Variants in MYBBP1A observed in about 807,000 individuals in gnomAD.
The protein encoded by MYBBP1A is myb-binding protein 1A.
In MYBBP1A, 147 loss-of-function variants were observed where a neutral mutation model predicts 136.3. The ratio of observed to expected loss-of-function variants is 1.08; its 90% CI spans 0.94 to 1.24. MYBBP1A has a LOEUF of 1.24. Ranked by LOEUF, MYBBP1A falls within the 50% of genes most tolerant of loss-of-function variation. The pLI, the probability that MYBBP1A is intolerant of heterozygous loss-of-function variation, is 0.00. For synonymous variants in MYBBP1A, 947 were observed against 735.8 expected (o/e 1.29, Z -4.65); for missense variants, 2,060 against 1,727.4 (o/e 1.19, Z -3.41).
At position 4,544,769 on chromosome 17, in the gene MYBBP1A, C is replaced by A. The variant is rs755185007; in HGVS notation, c.2463G>T (p.Arg821=). The part of the protein sequence containing the change: ...KNKLQKEKAL[R]RDFQIRVLDL... ...GGCTCACCCGGATCTGGAAGTCGCG[C>A]CGCAGAGCCTTCTCCTTCTGCAGCT... Residue 821 remains arginine (R), a synonymous_variant, in exon 18 of 26, where the codon CGG becomes CGT. Coordinates refer to ENST00000254718, the MANE Select transcript of MYBBP1A (RefSeq NM_014520.4). 53 of 1,579,008 alleles carry A rather than the reference C, an allele frequency of 3.4e-5. No homozygotes were observed. In the South Asian group the frequency reaches 5.3e-4, roughly 16 times the overall value.
rs1409373704 is a variant in MYBBP1A at position 4,539,689 on chromosome 17, G to C, written c.3713C>G (p.Pro1238Arg). The C allele has an allele frequency of 6.2e-7, 1 of 1,608,164 alleles. No homozygotes were observed. Among genetic ancestry groups the C allele is most frequent in the African/African-American group, 1.3e-5 (1 of 74,490 alleles). The change falls in exon 26 of 26, where the codon CCC (proline) becomes CGC (arginine). Residue 1238 changes from proline to arginine, a missense_variant. Physicochemically the swap from Pro to Arg is moderately radical, Grantham distance 103 (BLOSUM62 -2). Coordinates refer to ENST00000254718, the MANE Select transcript of MYBBP1A (RefSeq NM_014520.4). ...GGCAGGGGTGCTGGGGCTCCGGGTG[G>C]GGGCGCCAGGGGCTGGACTCTTGGT... is the stretch of plus-strand genomic sequence containing the variant. The part of the protein sequence containing the change: ...PTTKSPAPGA[P>R]TRSPSTPAKS...
rs752284293 is a variant in MYBBP1A at position 4,543,122 on chromosome 17, C to T, written c.2683G>A (p.Glu895Lys). 1.9e-6 allele frequency: 3 copies of T among 1,611,586 alleles called. No individual in the cohort carries two copies. The highest frequency in any genetic ancestry group is 1.1e-5 in the South Asian group (1 of 90,982). ...TGGGCGTGCAGGGCCCCTGCGCGCTCACCCAAGTCGTGGCAGTAGCGCCGG... is the reference window on the plus strand; with the variant it reads ...TGGGCGTGCAGGGCCCCTGCGCGCTTACCCAAGTCGTGGCAGTAGCGCCGG... Reference protein sequence around the residue: ...RARRYCHDLGERAGALHAQVE... With the variant: ...RARRYCHDLGKRAGALHAQVE... The change falls in exon 20 of 26, where the codon GAG becomes AAG. Residue 895 changes from glutamate to lysine, a missense_variant. Physicochemically the swap from Glu to Lys is moderately conservative, Grantham distance 56. Transcript: ENST00000254718.
chr17:4,544,392 T>C, intron 19 of MYBBP1A, 97 bp downstream of exon 19: 1 of 1,479,362 alleles, frequency 6.8e-7, no homozygotes, highest in South Asian at 1.3e-5. Flanking sequence ...GAAGCTTGGC[T>C]CTCTCCTTCC....
At position 4,552,578 on chromosome 17, in the gene MYBBP1A, C is replaced by A. The variant is rs144931892; in HGVS notation, c.610G>T (p.Asp204Tyr). 1 of 1,613,940 alleles carries A rather than the reference C, an allele frequency of 6.2e-7. No homozygotes were observed. The highest frequency in any genetic ancestry group is 8.5e-7 in the Non-Finnish European group (1 of 1,180,014). ...GGGGAGCTGAGTATTATATTCAAGT[C>A]GGCTTTGAGGACCTCCGGCAGGATC... ...QEILPEVLKA[D>Y]LNIILSSPEQ... Residue 204 changes from aspartate (D) to tyrosine (Y), a missense_variant, in exon 6 of 26, where the codon GAC (aspartate) becomes TAC (tyrosine). By Grantham distance (160) the Asp-to-Tyr change is radical (BLOSUM62 -3). Coordinates refer to ENST00000254718, the MANE Select transcript of MYBBP1A (RefSeq NM_014520.4). The surrounding 1 kb of genome is among the most constrained non-coding windows in gnomAD (Gnocchi z 4.7).
chr17:4,545,611 TC>T lies in MYBBP1A; in HGVS notation c.2071del (p.Asp691MetfsTer3). 6.3e-7 allele frequency: 1 copy of T among 1,581,040 alleles called. No homozygotes were observed. The highest frequency in any genetic ancestry group is 8.6e-7 in the Non-Finnish European group (1 of 1,159,716). On this transcript the variant is annotated frameshift_variant and splice_region_variant, in exon 15 of 26. Coordinates refer to ENST00000254718, the MANE Select transcript of MYBBP1A (RefSeq NM_014520.4). LOFTEE classifies it high-confidence loss of function. The stretch of plus-strand genomic sequence containing the variant: ...CCACTCCCAAAGGTCCCAACTCACA[TC>T]CAGAATTAGCTGCAGGGCACGCGGG... The part of the protein sequence containing the change: ...LTPRALQLIL[D>X]VLNPETSEDE...
chr17:4,542,498 T>C lies in MYBBP1A; in HGVS notation c.3053A>G (p.Gln1018Arg). The C allele has an allele frequency of 6.2e-7, 1 of 1,612,268 alleles. No individual in the cohort carries two copies. The highest frequency in any genetic ancestry group is 1.1e-5 in the South Asian group (1 of 90,940). The change falls in exon 22 of 26, where the codon CAG becomes CGG. Residue 1018 changes from glutamine (Q) to arginine (R), a missense_variant. Physicochemically the swap from Gln to Arg is conservative, Grantham distance 43. Transcript: ENST00000254718. ...LCQSLLPILV[Q>R]HITGPVRPRH... ...GGGCCGCACCGGGCCCGTGATATGCTGGACCAGGATGGGGAGCAGGCTCTG... is the reference window on the plus strand; with the variant it reads ...GGGCCGCACCGGGCCCGTGATATGCCGGACCAGGATGGGGAGCAGGCTCTG...
chr17:4,543,076 T>C lies in MYBBP1A; in HGVS notation c.2729A>G (p.Gln910Arg), dbSNP rs1337222061. Residue 910 changes from glutamine to arginine, a missense_variant, in exon 20 of 26, where the codon CAG becomes CGG. Physicochemically the swap from Gln to Arg is conservative, Grantham distance 43. Transcript: ENST00000254718. The stretch of plus-strand genomic sequence containing the variant: ...GGGGGAGTCGGGCTGGCGGCCAGCC[T>C]GCTGCACCAACCGCTCCACCTGGGC... ...LHAQVERLVQ[Q>R]AGRQPDSPTA... The C allele has an allele frequency of 6.2e-7, 1 of 1,613,238 alleles. No homozygotes were observed. The highest frequency in any genetic ancestry group is 2.2e-5 in the East Asian group (1 of 44,878).
intron 19 of MYBBP1A, among the ~76,000 whole-genome samples, chr17:4,543,681 C>G (rs899452302): frequency 5.3e-5 from 8 of 152,140 alleles, no homozygotes; most frequent in African/African-American, 1.9e-4. Flanking sequence ...CTCCCCACCC[C>G]TCCTGACTAT....
At position 4,547,938 on chromosome 17, in the gene MYBBP1A, T is replaced by TC. The variant is rs778940624; in HGVS notation, c.1824+19dup. ...CATAGAACCCCAGGCTCACAGCCCC[T>TC]CCCTCCCAGGCCCCAGTACCTTGAG... On this transcript the variant is annotated intron_variant, in intron 13 of 25. Transcript: ENST00000254718. The TC allele has an allele frequency of 8.3e-6, 12 of 1,454,038 alleles. No homozygotes were observed. The South Asian group carries it at 1.3e-4, about 15-fold the overall frequency. The allele number at this position is 1,454,038 out of a possible 1,614,324, so 90.1% of individuals were successfully genotyped here.
chr17:4,555,334 A>C lies in MYBBP1A; in HGVS notation c.-10T>G, dbSNP rs1567616483. On this transcript the variant is annotated 5_prime_UTR_variant, in exon 1 of 26. Coordinates refer to ENST00000254718, the MANE Select transcript of MYBBP1A (RefSeq NM_014520.4). Reference sequence around the variant, plus strand: ...GATCCCGGCTCTCCATCTCCGCCACACTCACCGAAACACGAAACACGTGTG... The same window carrying C: ...GATCCCGGCTCTCCATCTCCGCCACCCTCACCGAAACACGAAACACGTGTG... 1.9e-6 allele frequency: 3 copies of C among 1,587,720 alleles called. No individual in the cohort carries two copies. The highest frequency in any genetic ancestry group is 1.7e-4 in the Middle Eastern group (1 of 5,996).
chr17:4,539,428 G>A lies in MYBBP1A; in HGVS notation c.3974C>T (p.Ala1325Val), dbSNP rs770972544. 3.1e-6 allele frequency: 5 copies of A among 1,610,966 alleles called. No homozygotes were observed. The highest frequency in any genetic ancestry group is 4.2e-6 in the Non-Finnish European group (5 of 1,177,680). ...CCGTACCTGTGCTCAGGGCTTCCCT[G>A]CCTTCCTCACCTGTGCTTTCTTCTT... ...GAKKKAQVRK[A>V]GKP Residue 1325 changes from alanine (A) to valine (V), a missense_variant, in exon 26 of 26, where the codon GCA (alanine) becomes GTA (valine). By Grantham distance (64) the Ala-to-Val change is moderately conservative. Coordinates refer to ENST00000254718, the MANE Select transcript of MYBBP1A (RefSeq NM_014520.4).
At position 4,542,981 on chromosome 17, in the gene MYBBP1A, AGCCCTCAGCAGTGTT is replaced by A. The variant is rs773446291; in HGVS notation, c.2809_2823del (p.Asn937_Gly941del). On this transcript the variant is annotated inframe_deletion, in exon 20 of 26. Coordinates refer to ENST00000254718, the MANE Select transcript of MYBBP1A (RefSeq NM_014520.4). ...TGCTTCTCCTGTGTCTCATGCACGC[AGCCCTCAGCAGTGTT>A]GCCCTTCAAGACCCGGAGCAGGTAG... 6.2e-7 allele frequency: 1 copy of A among 1,614,058 alleles called. No homozygotes were observed. Among genetic ancestry groups the A allele is most frequent in the Non-Finnish European group, 8.5e-7 (1 of 1,179,994 alleles).
At chr17:4,540,943 G>GTCCCGGGCCCCGTCCCGGGC (rs57696318) in intron 24 of MYBBP1A, among the ~76,000 whole-genome samples, 1 of 152,168 alleles carries the variant, frequency 6.6e-6, no homozygotes, top group Non-Finnish European at 1.5e-5. Flanking sequence ...CCCGGGCCCC[G>GTCCCGGGCCCCGTCCCGGGC]CCTCTGCCTG....
At position 4,542,710 on chromosome 17, in the gene MYBBP1A, G is replaced by A. The variant is rs773098399; in HGVS notation, c.2924C>T (p.Thr975Ile). ...GCTCAGTGCTGTCGAGTACACCCGG[G>A]TCACCAGGTTCAAGTCCAAGCAGCT... ...AASCLDLNLVTRVYSTALSSF... is the reference protein window; with the variant it reads ...AASCLDLNLVIRVYSTALSSF... Residue 975 changes from threonine (T) to isoleucine (I), a missense_variant, in exon 21 of 26, where the codon ACC becomes ATC. Coordinates refer to ENST00000254718, the MANE Select transcript of MYBBP1A (RefSeq NM_014520.4). 6.2e-7 allele frequency: 1 copy of A among 1,613,868 alleles called. No individual in the cohort carries two copies. The highest frequency in any genetic ancestry group is 2.2e-5 in the East Asian group (1 of 44,892).
At chr17:4,554,421 G>A (rs937728731) in intron 2 of MYBBP1A, 143 bp from the exon 3 acceptor site, 21 of 668,608 alleles carry the variant, frequency 3.1e-5, no homozygotes, top group Non-Finnish European at 4.9e-5. Flanking sequence ...ACCTTCTATG[G>A]CCCCTAGATT....
chr17:4,548,109 T>C lies in MYBBP1A; in HGVS notation c.1724+34A>G, dbSNP rs200487618. On this transcript the variant is annotated intron_variant, in intron 12 of 25. Coordinates refer to ENST00000254718, the MANE Select transcript of MYBBP1A (RefSeq NM_014520.4). This position sits in a 1 kb window ranked among gnomAD's most constrained non-coding sequence, Gnocchi z 4.2. ...CCCCTGCACCAGTCAGACTGCAGCG[T>C]CCTGCCCACCCCCTGGAAATCCCAC... 6.2e-7 allele frequency: 1 copy of C among 1,603,770 alleles called. No individual in the cohort carries two copies. Among genetic ancestry groups the C allele is most frequent in the African/African-American group, 1.3e-5 (1 of 75,018 alleles).
chr17:4,553,807 T>A lies in MYBBP1A; in HGVS notation c.561+3A>T. On this transcript the variant is annotated splice_donor_region_variant and intron_variant, in intron 5 of 25. Transcript: ENST00000254718. ...TGGGCCCGCACAGCTGGGGAGCTCA[T>A]ACCTCGGAGAGGATGTCCACCAGGG... is the stretch of plus-strand genomic sequence containing the variant. 6.2e-7 allele frequency: 1 copy of A among 1,613,608 alleles called. No homozygotes were observed. The highest frequency in any genetic ancestry group is 8.5e-7 in the Non-Finnish European group (1 of 1,179,710).
In MYBBP1A at chr17:4,540,399, G is replaced by A; in HGVS notation, c.3383C>T (p.Ser1128Phe). The A allele has an allele frequency of 3.7e-6, 6 of 1,610,390 alleles. No individual in the cohort carries two copies. Among genetic ancestry groups the A allele is most frequent in the Non-Finnish European group, 5.1e-6 (6 of 1,179,814 alleles). The change falls in exon 25 of 26, where the codon TCC becomes TTC. Residue 1128 changes from serine (S) to phenylalanine (F), a missense_variant. By Grantham distance (155) the Ser-to-Phe change is radical (BLOSUM62 -2). Transcript: ENST00000254718. ...SLQQGAHSTG[S>F]SRLHDLYWQA... ...CCAGTAGAGGTCGTGCAGGCGGCTG[G>A]AGCCGGTGGAGTGTGCCCCCTGCTG...
intron 8 of MYBBP1A, 61 bp from the exon 9 acceptor site, chr17:4,550,414 C>T: frequency 1.3e-6 from 2 of 1,544,816 alleles, no homozygotes; most frequent in Non-Finnish European, 1.7e-6. Context: ...GTTAACAACC[C>T]AACAGCCAAG....
Sources: allele counts gnomAD v4.1 joint callset (sites outside exome capture counted in the v4.1 genomes callset), GRCh38; gene constraint gnomAD v4.1.1; non-coding constraint Gnocchi (gnomAD v3.1); transcripts MANE v1.5; gene names NCBI Gene and HGNC (gene_info 2026-07-23, HGNC 2026-07-21).